KCNQ5: variants seen among roughly 807,000 people sequenced by gnomAD.
The protein encoded by KCNQ5 is potassium voltage-gated channel subfamily Q member 5.
In KCNQ5, 30 loss-of-function variants were observed where a neutral mutation model predicts 98.2. That is an observed-to-expected ratio of 0.31 (90% confidence interval 0.23 to 0.41). KCNQ5 has a LOEUF of 0.41. KCNQ5 is among the 10% of genes least tolerant of loss of function. KCNQ5 has a pLI of 1.00. For synonymous variants in KCNQ5, 458 were observed against 449.4 expected (o/e 1.02, Z -0.24); for missense variants, 835 against 1,182.5 (o/e 0.71, Z 4.31).
chr6:73,136,224 A>C (rs1173095701), intron 10 of KCNQ5: 2 of 152,202 alleles, frequency 1.3e-5, no homozygotes, highest in Non-Finnish European at 2.9e-5. Flanking sequence ...GTGCTTCAAA[A>C]AGCATTCAAC....
intron 9 of KCNQ5, among the ~76,000 whole-genome samples, chr6:73,125,776 C>A (rs1012477299): frequency 2.0e-5 from 3 of 152,214 alleles, no homozygotes; most frequent in Admixed American, 2.0e-4. Context: ...GGCACATCTT[C>A]TGCGTAGGTA....
chr6:72,820,563 CA>C (rs1305905420), intron 1 of KCNQ5, among the ~76,000 whole-genome samples: 2 of 151,520 alleles, frequency 1.3e-5, no homozygotes, highest in East Asian at 3.9e-4. Flanking sequence ...CTTTAATAAG[CA>C]GTGTATTTGA....
At chr6:73,045,668 TC>T (rs1226086834) in intron 3 of KCNQ5, among the ~76,000 whole-genome samples, 1 of 152,224 alleles carries the variant, frequency 6.6e-6, no homozygotes, top group African/African-American at 2.4e-5. Context: ...CATTCTTTTT[TC>T]TAGCTTTCAT....
chr6:72,687,625 C>T (rs1201930094), intron 1 of KCNQ5, among the ~76,000 whole-genome samples: 1 of 152,098 alleles, frequency 6.6e-6, no homozygotes, highest in Non-Finnish European at 1.5e-5. Flanking sequence ...ACTTGAAGTG[C>T]TAGGCAAATG....
intron 1 of KCNQ5, among the ~76,000 whole-genome samples, chr6:72,729,890 AT>A (rs1373755399): frequency 2.0e-5 from 3 of 152,196 alleles, no homozygotes; most frequent in Non-Finnish European, 4.4e-5. Flanking sequence ...GCTAGGCACA[AT>A]GGCTCACACT....
intron 1 of KCNQ5, among the ~76,000 whole-genome samples, chr6:72,983,758 G>A (rs9342993): frequency 0.12 from 18,462 of 148,282 alleles, 1,490 homozygotes; most frequent in East Asian, 0.25. Flanking sequence ...GAGGCACTCT[G>A]CTTTTTAGAA....
intron 1 of KCNQ5, among the ~76,000 whole-genome samples, chr6:72,731,424 A>G (rs1770546680): frequency 6.6e-6 from 1 of 152,222 alleles, no homozygotes; most frequent in African/African-American, 2.4e-5. Flanking sequence ...CAACACAATA[A>G]AGGTTTATTT....
chr6:73,042,001 T>C lies in KCNQ5; in HGVS notation c.555T>C (p.Cys185=), dbSNP rs760661267. The change falls in exon 3 of 14, where the codon TGT becomes TGC. Residue 185 remains cysteine (C), a synonymous_variant. Transcript: ENST00000370398. ...FIIRIWSAGC[C]CRYRGWQGRL... is the part of the protein sequence containing the mutation. Reference sequence around the variant, plus strand: ...TTCGAATCTGGTCTGCGGGTTGCTGTTGTCGATATAGAGGATGGCAAGGAA... The same window carrying C: ...TTCGAATCTGGTCTGCGGGTTGCTGCTGTCGATATAGAGGATGGCAAGGAA... 1.4e-5 allele frequency: 22 copies of C among 1,613,824 alleles called. No homozygotes were observed. The highest frequency in any genetic ancestry group is 1.7e-5 in the Admixed American group (1 of 59,998).
At chr6:73,079,686 C>A (rs1231374243) in intron 5 of KCNQ5, among the ~76,000 whole-genome samples, 4 of 152,154 alleles carry the variant, frequency 2.6e-5, no homozygotes, top group Admixed American at 6.5e-5. Flanking sequence ...AATGTGGTTT[C>A]CGGCTGCTCT....
At chr6:73,042,146 T>C (rs1295554382) in intron 3 of KCNQ5, 84 bp downstream of exon 3, 3 of 1,524,766 alleles carry the variant, frequency 2.0e-6, no homozygotes, top group African/African-American at 1.4e-5. Flanking sequence ...TTGATTAATA[T>C]TAAAAGCTAA....
chr6:72,839,896 T>C (rs1056395189), intron 1 of KCNQ5, among the ~76,000 whole-genome samples: 3 of 152,182 alleles, frequency 2.0e-5, no homozygotes, highest in East Asian at 3.8e-4. Context: ...CAAAAACTTA[T>C]TTCTCATATC....
intron 1 of KCNQ5, among the ~76,000 whole-genome samples, chr6:72,660,420 A>G (rs768653397): frequency 4.6e-5 from 7 of 152,312 alleles, no homozygotes; most frequent in East Asian, 1.9e-4. Flanking sequence ...TTAACATGGT[A>G]TACTCAAAGT....
chr6:72,955,368 A>G (rs1766991073), intron 1 of KCNQ5, among the ~76,000 whole-genome samples: 1 of 152,218 alleles, frequency 6.6e-6, no homozygotes. Flanking sequence ...AAAAAGTCAA[A>G]TTGAGGCCTT....
At chr6:72,735,080 A>G (rs1770759922) in intron 1 of KCNQ5, among the ~76,000 whole-genome samples, 1 of 152,222 alleles carries the variant, frequency 6.6e-6, no homozygotes, top group South Asian at 2.1e-4. Flanking sequence ...TAGTTTAGCA[A>G]ATATCTAACA....
intron 1 of KCNQ5, among the ~76,000 whole-genome samples, chr6:72,687,194 C>T (rs1352831786): frequency 1.3e-5 from 2 of 152,202 alleles, no homozygotes; most frequent in East Asian, 1.9e-4. Context: ...TTACTGAATA[C>T]TTAAGCCAAT....
intron 2 of KCNQ5, among the ~76,000 whole-genome samples, chr6:73,005,173 C>T (rs920564158): frequency 2.0e-5 from 3 of 152,136 alleles, no homozygotes; most frequent in Non-Finnish European, 2.9e-5. Flanking sequence ...TTAAGGTTAC[C>T]GTTTCAAAGC....
At chr6:73,027,538 T>C (rs1770944727) in intron 2 of KCNQ5, among the ~76,000 whole-genome samples, 1 of 152,236 alleles carries the variant, frequency 6.6e-6, no homozygotes, top group African/African-American at 2.4e-5. Flanking sequence ...GCTAACAAAC[T>C]GTTGCCAAAT....
intron 1 of KCNQ5, among the ~76,000 whole-genome samples, chr6:72,691,965 T>C (rs1768233033): frequency 6.6e-6 from 1 of 152,240 alleles, no homozygotes; most frequent in Non-Finnish European, 1.5e-5. Context: ...TCTAACTCCA[T>C]GTCAGTACAG....
At chr6:72,640,142 G>C (rs961596029) in intron 1 of KCNQ5, among the ~76,000 whole-genome samples, 1 of 152,084 alleles carries the variant, frequency 6.6e-6, no homozygotes, top group Non-Finnish European at 1.5e-5. Context: ...TTAAAAAGCA[G>C]ATGGAGCCCT....
Sources: allele counts gnomAD v4.1 joint callset (sites outside exome capture counted in the v4.1 genomes callset), GRCh38; gene constraint gnomAD v4.1.1; transcripts MANE v1.5; gene names NCBI Gene and HGNC (gene_info 2026-07-23, HGNC 2026-07-21).